Variants in PTN observed in about 807,000 individuals in gnomAD.
The protein encoded by PTN is heparin affin regulatory protein.
PTN carries 18 observed loss-of-function variants against 24.1 expected under a neutral mutation model. The ratio of observed to expected loss-of-function variants is 0.75; its 90% CI spans 0.52 to 1.11. The LOEUF (loss-of-function observed/expected upper bound fraction) is 1.11. PTN is among the 50% of genes least tolerant of loss of function. PTN has a pLI of 0.00. For missense variants in PTN, 163 were observed against 198.8 expected (o/e 0.82, Z 1.08); for synonymous variants, 78 against 68.6 (o/e 1.14, Z -0.67).
At chr7:137,281,305 T>C (rs538436773) in intron 1 of PTN, among the ~76,000 whole-genome samples, 2 of 151,646 alleles carry the variant, frequency 1.3e-5, no homozygotes, top group African/African-American at 2.4e-5. Context: ...CAGATTTTGG[T>C]TAAAGTGATA....
chr7:137,262,280 A>C (rs918929985), intron 1 of PTN, among the ~76,000 whole-genome samples: 1 of 151,942 alleles, frequency 6.6e-6, no homozygotes, highest in Non-Finnish European at 1.5e-5. Flanking sequence ...TTTTATTTAA[A>C]AGCAATTGCT....
At chr7:137,333,843 G>A (rs1443233615) in intron 1 of PTN, among the ~76,000 whole-genome samples, 1 of 152,030 alleles carries the variant, frequency 6.6e-6, no homozygotes, top group Non-Finnish European at 1.5e-5. Context: ...CCAAAACAGA[G>A]ATATAGATCA....
chr7:137,236,758 T>G (rs2128868285), intron 4 of PTN, among the ~76,000 whole-genome samples: 1 of 152,242 alleles, frequency 6.6e-6, no homozygotes, highest in Non-Finnish European at 1.5e-5. Flanking sequence ...GGTAGAAAAT[T>G]TGCCTTATTA....
At chr7:137,335,725 T>A (rs1810436911) in intron 1 of PTN, among the ~76,000 whole-genome samples, 1 of 152,142 alleles carries the variant, frequency 6.6e-6, no homozygotes, top group African/African-American at 2.4e-5. Context: ...GGTATGAACA[T>A]GAAAGTTTGA....
In PTN at chr7:137,336,002, T is replaced by G. The variant is rs190377089; in HGVS notation, c.-2+7437A>C. 1.9e-3 allele frequency among the ~76,000 whole-genome samples: 293 copies of G among 151,974 alleles called. 1 individual carries two copies. The highest frequency in any genetic ancestry group is 0.01 in the Middle Eastern group (3 of 294). ...TCGCACATCTTACCTCCTCCTCACT[T>G]TGTGAGTCAAACTTACCTTCAAGCA... On this transcript the variant is annotated intron_variant, in intron 1 of 4. Coordinates refer to ENST00000348225, the MANE Select transcript of PTN (RefSeq NM_002825.7).
chr7:137,282,019 C>T (rs964442851), intron 1 of PTN, among the ~76,000 whole-genome samples: 1 of 152,238 alleles, frequency 6.6e-6, no homozygotes, highest in African/African-American at 2.4e-5. Flanking sequence ...TACACCTGTG[C>T]TCTCAATCAC....
At chr7:137,254,179 C>T (rs1247308097) in intron 2 of PTN, among the ~76,000 whole-genome samples, 2 of 151,632 alleles carry the variant, frequency 1.3e-5, no homozygotes, top group East Asian at 1.9e-4. Context: ...ATGCCTGCAG[C>T]CCCAGCTACT....
At chr7:137,323,146 G>T (rs969724082) in intron 1 of PTN, among the ~76,000 whole-genome samples, 4 of 152,112 alleles carry the variant, frequency 2.6e-5, no homozygotes, top group African/African-American at 9.7e-5. Flanking sequence ...AAAACATCTT[G>T]TGAATTTATC....
At chr7:137,228,255 GTGTC>G (rs955623175) in intron 4 of PTN, among the ~76,000 whole-genome samples, 180 bp from the exon 5 acceptor site, 60 of 151,898 alleles carry the variant, frequency 4.0e-4, no homozygotes, top group African/African-American at 1.3e-3. Flanking sequence ...GTGTGTGTGT[GTGTC>G]TGTCTGTCTG....
At chr7:137,266,723 G>T (rs1032150043) in intron 1 of PTN, among the ~76,000 whole-genome samples, 5 of 150,140 alleles carry the variant, frequency 3.3e-5, no homozygotes, top group Non-Finnish European at 7.4e-5. Context: ...CACAAGATTA[G>T]AAGTTACTAT....
intron 1 of PTN, among the ~76,000 whole-genome samples, chr7:137,333,483 T>C (rs1289682854): frequency 6.6e-6 from 1 of 152,172 alleles, no homozygotes; most frequent in Non-Finnish European, 1.5e-5. Context: ...GCCCTGGCTG[T>C]TTCTCTGGGC....
intron 1 of PTN, among the ~76,000 whole-genome samples, chr7:137,258,353 G>A (rs1808972374): frequency 6.6e-6 from 1 of 152,124 alleles, no homozygotes; most frequent in African/African-American, 2.4e-5. Context: ...TGAGTAAATG[G>A]TGGATTTCAG....
chr7:137,287,040 C>T (rs1809566756), intron 1 of PTN, among the ~76,000 whole-genome samples: 1 of 152,152 alleles, frequency 6.6e-6, no homozygotes, highest in Non-Finnish European at 1.5e-5. Context: ...GATTTGAGTC[C>T]TAATTATTCT....
At chr7:137,290,238 G>T (rs1475661759) in intron 1 of PTN, among the ~76,000 whole-genome samples, 1 of 152,082 alleles carries the variant, frequency 6.6e-6, no homozygotes, top group Non-Finnish European at 1.5e-5. Flanking sequence ...CTCCCACCAG[G>T]TCCCTCCCGC....
rs779435334 is a variant in PTN, at chr7:137,253,641, A to G, written c.116-4T>C. ...TCAGACTTCTTCACTTTTTTTTCTG[A>G]ATGAAAGGAGGAAAACCTAATCAAC... is the stretch of plus-strand genomic sequence containing the variant. On this transcript the variant is annotated splice_region_variant and splice_polypyrimidine_tract_variant and intron_variant, in intron 2 of 4. Coordinates refer to ENST00000348225, the MANE Select transcript of PTN (RefSeq NM_002825.7). 6.5e-7 allele frequency: 1 copy of G among 1,538,210 alleles called. No homozygotes were observed. Among genetic ancestry groups the G allele is most frequent in the Non-Finnish European group, 8.8e-7 (1 of 1,136,302 alleles).
intron 1 of PTN, among the ~76,000 whole-genome samples, chr7:137,273,159 G>A (rs1462516252): frequency 6.6e-6 from 1 of 152,138 alleles, no homozygotes; most frequent in African/African-American, 2.4e-5. Context: ...GTAAGGTTTA[G>A]AACAGTGTTG....
At position 137,227,960 on chromosome 7, in the gene PTN, T is replaced by C; in HGVS notation, c.*60A>G. The C allele has an allele frequency of 1.9e-6, 3 of 1,589,726 alleles. No individual in the cohort carries two copies. Among genetic ancestry groups the C allele is most frequent in the Non-Finnish European group, 2.6e-6 (3 of 1,170,816 alleles). ...ATACAAAGCCTACGGTACATATAAA[T>C]GCAATAGTTAACTGATCCTGTTTGC... On this transcript the variant is annotated 3_prime_UTR_variant, in exon 5 of 5. Coordinates refer to ENST00000348225, the MANE Select transcript of PTN (RefSeq NM_002825.7).
chr7:137,339,758 C>T (rs1383889365), intron 1 of PTN, among the ~76,000 whole-genome samples: 1 of 151,648 alleles, frequency 6.6e-6, no homozygotes, highest in Non-Finnish European at 1.5e-5. Flanking sequence ...CGTTCTGGGA[C>T]CTGTTGGGTG....
At chr7:137,265,153 A>G (rs1384881129) in intron 1 of PTN, among the ~76,000 whole-genome samples, 1 of 152,152 alleles carries the variant, frequency 6.6e-6, no homozygotes, top group African/African-American at 2.4e-5. Context: ...AAAATATTGA[A>G]TTAAATCCTG....
Sources: gnomAD v4.1 joint callset for allele counts (sites outside exome capture counted in the v4.1 genomes callset) on GRCh38, gnomAD v4.1.1 for gene constraint, MANE v1.5 for transcripts, NCBI Gene and HGNC (gene_info 2026-07-23, HGNC 2026-07-21) for gene names.